The following DNMT3B variants were observed in gnomAD, a reference collection of about 807,000 sequenced individuals.
DNMT3B encodes the protein DNA methyltransferase 3 beta.
In DNMT3B, 37 loss-of-function variants were observed where a neutral mutation model predicts 120.2. The ratio of observed to expected loss-of-function variants is 0.31; its 90% confidence interval spans 0.24 to 0.40. DNMT3B has a LOEUF of 0.40. Among genes scored for constraint, DNMT3B ranks in the 10% least tolerant of loss-of-function variants. The pLI, the probability that DNMT3B is intolerant of heterozygous loss-of-function variation, is 1.00. For synonymous variants in DNMT3B, 412 were observed against 442.8 expected (o/e 0.93, Z 0.87); for missense variants, 878 against 1,137.3 (o/e 0.77, Z 3.28).
chr20:32,777,217 C>T (rs1212219083), intron 1 of DNMT3B, among the ~76,000 whole-genome samples: 1 of 152,132 alleles, frequency 6.6e-6, no homozygotes, highest in Non-Finnish European at 1.5e-5. Flanking sequence ...TCTCCAGTAC[C>T]CACAGGTCTT....
intron 1 of DNMT3B, among the ~76,000 whole-genome samples, chr20:32,776,790 C>A (rs2097185664): frequency 6.6e-6 from 1 of 152,092 alleles, no homozygotes; most frequent in Non-Finnish European, 1.5e-5. Context: ...AGGAGAGAAG[C>A]TTTTATTCCT....
Position 32,777,266 on chromosome 20 carries a change from T to C in DNMT3B, c.-6-3052T>C, listed in dbSNP as rs1469121163. On this transcript the variant is annotated intron_variant, in intron 1 of 22. Transcript: ENST00000328111. ...GAGGCTTTTCCTGAATGTTGAGATA[T>C]GGGTTTTGGAAGGTGTGCTGCCCAC... Among the ~76,000 whole-genome samples, 3 of 151,976 alleles carry C rather than the reference T, an allele frequency of 2.0e-5. No individual in the cohort carries two copies. The East Asian group carries it at 5.8e-4, about 29-fold the overall frequency.
At position 32,800,253 on chromosome 20, in the gene DNMT3B, G is replaced by C. The variant is rs886056616; in HGVS notation, c.1860G>C (p.Gly620=). Residue 620 remains glycine (G), a synonymous_variant, in exon 17 of 23, where the codon GGG becomes GGC. Coordinates refer to ENST00000328111, the MANE Select transcript of DNMT3B (RefSeq NM_006892.4). The part of the protein sequence containing the change: ...SIAVGTVKHE[G]NIKYVNDVRN... Reference sequence around the variant, plus strand: ...CTGTTGGAACCGTGAAGCACGAGGGGAATATCAAATACGTGAACGACGTGA... The same window carrying C: ...CTGTTGGAACCGTGAAGCACGAGGGCAATATCAAATACGTGAACGACGTGA... The C allele has an allele frequency of 3.7e-6, 6 of 1,614,208 alleles. No individual in the cohort carries two copies. Among genetic ancestry groups the C allele is most frequent in the Non-Finnish European group, 5.1e-6 (6 of 1,180,038 alleles).
At chr20:32,763,957 T>C (rs1024428486) in intron 1 of DNMT3B, among the ~76,000 whole-genome samples, 2 of 152,220 alleles carry the variant, frequency 1.3e-5, no homozygotes, top group Non-Finnish European at 2.9e-5. Flanking sequence ...TTATCTCCTC[T>C]ACCAGGCCTG....
At chr20:32,796,707 C>G in intron 12 of DNMT3B, 83 bp from the exon 13 acceptor site, 2 of 1,492,140 alleles carry the variant, frequency 1.3e-6, no homozygotes, top group Non-Finnish European at 1.9e-6. Context: ...GGAGGGAAAT[C>G]TTAGGAACTG....
chr20:32,783,007 A>G (rs1978809867), intron 3 of DNMT3B, among the ~76,000 whole-genome samples: 1 of 152,016 alleles, frequency 6.6e-6, no homozygotes, highest in South Asian at 2.1e-4. Context: ...ACTGCAACTT[A>G]CTGCCTCCCA....
chr20:32,780,545 G>A lies in DNMT3B; in HGVS notation c.142+80G>A. The A allele has an allele frequency of 5.8e-6, 9 of 1,563,622 alleles. No homozygotes were observed. In the South Asian group the frequency reaches 9.2e-5, roughly 16 times the overall value. On this transcript the variant is annotated intron_variant, in intron 2 of 22. Transcript: ENST00000328111. The stretch of plus-strand genomic sequence containing the variant: ...ACTGCAGACAACTGGAGGCTTTGGG[G>A]AGAGTCTCTGACAACCTCCACCACA...
At chr20:32,766,177 C>G (rs1231357895) in intron 1 of DNMT3B, among the ~76,000 whole-genome samples, 1 of 152,064 alleles carries the variant, frequency 6.6e-6, no homozygotes, top group Admixed American at 6.6e-5. Context: ...AACCGTGACT[C>G]TACAAAAAAT....
Position 32,798,456 on chromosome 20 carries a change from C to T in DNMT3B, c.1491-4C>T, listed in dbSNP as rs781292648. The T allele has an allele frequency of 2.4e-5, 38 of 1,614,062 alleles. No individual in the cohort carries two copies. The highest frequency in any genetic ancestry group is 3.2e-5 in the Non-Finnish European group (38 of 1,180,038). ...GCATCCCTTCTCCCTGCCACTGGGT[C>T]CAGGTGTTTCTGTGTGGAGTGCCTG... On this transcript the variant is annotated splice_region_variant and splice_polypyrimidine_tract_variant and intron_variant, in intron 14 of 22. Transcript: ENST00000328111.
chr20:32,801,148 T>A, intron 18 of DNMT3B, 130 bp from the exon 19 acceptor site: 2 of 1,378,900 alleles, frequency 1.5e-6, no homozygotes, highest in East Asian at 2.4e-5. Context: ...GTCATTCAGG[T>A]GGACATAGAC....
chr20:32,769,932 C>T (rs968345325), intron 1 of DNMT3B, among the ~76,000 whole-genome samples: 5 of 151,954 alleles, frequency 3.3e-5, no homozygotes, highest in African/African-American at 9.7e-5. Flanking sequence ...TGTTATGACA[C>T]GTACTAGCAG....
chr20:32,765,403 A>G (rs1193894070), intron 1 of DNMT3B, among the ~76,000 whole-genome samples: 4 of 139,106 alleles, frequency 2.9e-5, no homozygotes, highest in Admixed American at 7.2e-5. Context: ...GGTGGTGAGC[A>G]TTTTCTTTCT....
intron 1 of DNMT3B, among the ~76,000 whole-genome samples, chr20:32,771,300 T>A (rs1987719440): frequency 6.6e-6 from 1 of 152,078 alleles, no homozygotes; most frequent in Non-Finnish European, 1.5e-5. Flanking sequence ...GAAAATGAAC[T>A]TTTCAATAAG....
At chr20:32,794,763 G>A (rs1313660613) in intron 10 of DNMT3B, among the ~76,000 whole-genome samples, 10 of 152,052 alleles carry the variant, frequency 6.6e-5, no homozygotes, top group Non-Finnish European at 1.3e-4. Context: ...CATTTATAGT[G>A]CTGGTTTCAA....
At chr20:32,804,749 TG>T (rs930515493) in intron 20 of DNMT3B, among the ~76,000 whole-genome samples, 8 of 145,246 alleles carry the variant, frequency 5.5e-5, no homozygotes, top group Non-Finnish European at 1.0e-4. Context: ...TGGAGTGCAG[TG>T]TTGTAATCAT....
At chr20:32,787,957 G>A (rs1479850425) in intron 6 of DNMT3B, among the ~76,000 whole-genome samples, 1 of 152,116 alleles carries the variant, frequency 6.6e-6, no homozygotes. Context: ...GTGCTCAGTG[G>A]GGGAGTTTTT....
At chr20:32,780,235 A>G (rs954530244) in intron 1 of DNMT3B, 83 bp from the exon 2 acceptor site, 31 of 1,613,224 alleles carry the variant, frequency 1.9e-5, no homozygotes, top group Non-Finnish European at 2.6e-5. Flanking sequence ...TGGCCTGAGA[A>G]CACAGAGCCC....
At position 32,784,844 on chromosome 20, in the gene DNMT3B, T is replaced by C; in HGVS notation, c.291T>C (p.Arg97=). ...MPKLFRETRT[R]SESPAVRTRN... is the part of the protein sequence containing the mutation. Reference sequence around the variant, plus strand: ...AGCTCTTCCGGGAAACCAGGACTCGTTCAGAAAGCCCAGCTGTAAGTAGCC... The same window carrying C: ...AGCTCTTCCGGGAAACCAGGACTCGCTCAGAAAGCCCAGCTGTAAGTAGCC... The change falls in exon 4 of 23, where the codon CGT becomes CGC. Residue 97 remains arginine, a synonymous_variant. Transcript: ENST00000328111. 1 of 1,614,086 alleles carries C rather than the reference T, an allele frequency of 6.2e-7. No homozygotes were observed.
chr20:32,797,043 G>T (rs368731201), intron 13 of DNMT3B, 144 bp from the exon 14 acceptor site: 1 of 1,607,220 alleles, frequency 6.2e-7, no homozygotes, highest in Non-Finnish European at 8.5e-7. Flanking sequence ...ATGGCACGCA[G>T]GTCACAGCCA....
Sources: gnomAD v4.1 joint callset for allele counts (sites outside exome capture counted in the v4.1 genomes callset) on GRCh38, gnomAD v4.1.1 for gene constraint, MANE v1.5 for transcripts, NCBI Gene and HGNC (gene_info 2026-07-23, HGNC 2026-07-21) for gene names.